Variants in ADAMTS19 observed in about 807,000 individuals in gnomAD.
The protein encoded by ADAMTS19 is ADAM metallopeptidase with thrombospondin type 1 motif 19, also known as A disintegrin and metalloproteinase with thrombospondin motifs 19.
In ADAMTS19, 93 loss-of-function variants were observed where a neutral mutation model predicts 153.3. The ratio of observed to expected loss-of-function variants is 0.61; its 90% confidence interval spans 0.51 to 0.72. The LOEUF (loss-of-function observed/expected upper bound fraction) is 0.72, where lower values mean the gene tolerates loss of function less well. ADAMTS19 is among the 30% of genes least tolerant of loss of function. The pLI is 0.00. For missense variants in ADAMTS19, 1,482 were observed against 1,552.1 expected (o/e 0.95, Z 0.76); for synonymous variants, 600 against 556.6 (o/e 1.08, Z -1.10).
chr5:129,677,794 G>A (rs1267500445), intron 16 of ADAMTS19, among the ~76,000 whole-genome samples: 14 of 151,808 alleles, frequency 9.2e-5, no homozygotes, highest in East Asian at 3.9e-4. Flanking sequence ...AATATTTTTC[G>A]AAATACTTTA....
In ADAMTS19 at chr5:129,596,646, C is replaced by G. The variant is rs1483089782; in HGVS notation, c.1460C>G (p.Ala487Gly). 6.2e-7 allele frequency: 1 copy of G among 1,604,804 alleles called. No homozygotes were observed. Among genetic ancestry groups the G allele is most frequent in the Non-Finnish European group, 8.5e-7 (1 of 1,175,698 alleles). ...GGCTTGAATCTTGCTTTTACAATTG[C>G]TCATGAAATGGGTCACAAGTAAGTA... ...DNGLNLAFTI[A>G]HEMGHNMGIN... The change falls in exon 8 of 23, where the codon GCT (alanine) becomes GGT (glycine). Residue 487 changes from alanine to glycine, a missense_variant. Transcript: ENST00000274487.
At chr5:129,609,221 G>C (rs1320879606) in intron 8 of ADAMTS19, among the ~76,000 whole-genome samples, 1 of 152,030 alleles carries the variant, frequency 6.6e-6, no homozygotes, top group Non-Finnish European at 1.5e-5. Flanking sequence ...TACAGCCTTG[G>C]GCTTGAATTA....
In ADAMTS19 at chr5:129,515,979, A is replaced by G. The variant is rs183593630; in HGVS notation, c.913+6737A>G. On this transcript the variant is annotated intron_variant, in intron 3 of 22. Transcript: ENST00000274487. ...TGTTCCTTCTATCCCCAGTTTTTTGACAGTTTTTATACTGAAGAGATGTTG... is the reference window on the plus strand; with the variant it reads ...TGTTCCTTCTATCCCCAGTTTTTTGGCAGTTTTTATACTGAAGAGATGTTG... Among the ~76,000 whole-genome samples, 84 of 151,854 alleles carry G rather than the reference A, an allele frequency of 5.5e-4. 1 individual carries two copies. The highest frequency in any genetic ancestry group is 5.8e-4 in the East Asian group (3 of 5,160).
chr5:129,657,215 A>T (rs1028009965), intron 14 of ADAMTS19, among the ~76,000 whole-genome samples: 1 of 152,164 alleles, frequency 6.6e-6, no homozygotes, highest in Admixed American at 6.6e-5. Flanking sequence ...GGAATGCTGT[A>T]TTGTGCAGTT....
intron 14 of ADAMTS19, among the ~76,000 whole-genome samples, chr5:129,658,157 ATGCCTATAG>A (rs1371323865): frequency 6.6e-6 from 1 of 151,902 alleles, no homozygotes; most frequent in Non-Finnish European, 1.5e-5. Context: ...ATGGTGACGC[ATGCCTATAG>A]TCCCAGCTAC....
At position 129,495,984 on chromosome 5, in the gene ADAMTS19, GA is replaced by G. The variant is rs573698937; in HGVS notation, c.748-13086del. Among the ~76,000 whole-genome samples, 17 of 151,928 alleles carry G rather than the reference GA, an allele frequency of 1.1e-4. No homozygotes were observed. In the East Asian group the frequency reaches 2.3e-3, roughly 21 times the overall value. ...AGGGAGAGTATGGAAAGGCTGGGAA[GA>G]AAAAAAGGTCAAATGTGTTCTTTAA... On this transcript the variant is annotated intron_variant, in intron 2 of 22. Coordinates refer to ENST00000274487, the MANE Select transcript of ADAMTS19 (RefSeq NM_133638.6).
At chr5:129,734,519 A>C (rs1757582646) in intron 21 of ADAMTS19, among the ~76,000 whole-genome samples, 1 of 152,012 alleles carries the variant, frequency 6.6e-6, no homozygotes, top group African/African-American at 2.4e-5. Flanking sequence ...CCAGCTCTAA[A>C]AGTAGACATG....
rs1252385953 is a variant in ADAMTS19, at chr5:129,662,887, CATTT to C, written c.2426-2611_2426-2608del. 1.9e-3 allele frequency among the ~76,000 whole-genome samples: 242 copies of C among 125,408 alleles called. 1 individual carries two copies. The highest frequency in any genetic ancestry group is 7.8e-3 in the African/African-American group (215 of 27,716). 82.3% of individuals were successfully genotyped at this position (125,408 alleles called of 152,430 possible). On this transcript the variant is annotated intron_variant, in intron 15 of 22. Transcript: ENST00000274487. ...TCTCCTCCTTCTCATGATTCTTCTTCATTTTTTTTTTTTTTTTTTTTTTTTGAGA... is the reference window on the plus strand; with the variant it reads ...TCTCCTCCTTCTCATGATTCTTCTTCTTTTTTTTTTTTTTTTTTTTTGAGA...
chr5:129,471,091 C>T (rs1034955180), intron 2 of ADAMTS19, among the ~76,000 whole-genome samples: 5 of 712 alleles, frequency 7.0e-3, no homozygotes, highest in African/African-American at 0.031. Context: ...TGTATGGGGG[C>T]GGGGGTGGTG....
At chr5:129,610,780 TTTATAA>T (rs1406568482) in intron 8 of ADAMTS19, among the ~76,000 whole-genome samples, 2 of 152,178 alleles carry the variant, frequency 1.3e-5, no homozygotes, top group Non-Finnish European at 2.9e-5. Context: ...AGCAGCATGA[TTTATAA>T]TCCTTTGGGT....
intron 14 of ADAMTS19, among the ~76,000 whole-genome samples, chr5:129,658,351 A>AGAGAGAGAGAGAGAG (rs1554103337): frequency 1.4e-4 from 19 of 133,138 alleles, no homozygotes; most frequent in South Asian, 2.4e-4. Context: ...GAAAGAAAGA[A>AGAGAGAGAGAGAGAG]AGAAAGAAAG....
intron 6 of ADAMTS19, among the ~76,000 whole-genome samples, chr5:129,534,728 A>G (rs1407900754): frequency 6.6e-6 from 1 of 152,202 alleles, no homozygotes; most frequent in African/African-American, 2.4e-5. Context: ...ATCCACCATG[A>G]TCAAGTGGGC....
chr5:129,506,967 A>C (rs1367098417), intron 2 of ADAMTS19, among the ~76,000 whole-genome samples: 2 of 152,022 alleles, frequency 1.3e-5, no homozygotes, highest in Non-Finnish European at 2.9e-5. Flanking sequence ...AAGGTGCTGT[A>C]ACTTTCCCAT....
chr5:129,599,440 C>G (rs1374850083), intron 8 of ADAMTS19, among the ~76,000 whole-genome samples: 2 of 152,066 alleles, frequency 1.3e-5, no homozygotes, highest in Non-Finnish European at 2.9e-5. Flanking sequence ...GATGTACAAA[C>G]AGTGTATATT....
intron 3 of ADAMTS19, among the ~76,000 whole-genome samples, chr5:129,521,325 C>G (rs1751790510): frequency 6.6e-6 from 1 of 151,756 alleles, no homozygotes; most frequent in Non-Finnish European, 1.5e-5. Flanking sequence ...TGTGCATGTT[C>G]CCATTTAGAG....
chr5:129,563,438 A>G (rs1753593315), intron 7 of ADAMTS19, among the ~76,000 whole-genome samples: 1 of 152,126 alleles, frequency 6.6e-6, no homozygotes, highest in African/African-American at 2.4e-5. Flanking sequence ...TTCTAATTGA[A>G]TTGGTAGTGT....
intron 3 of ADAMTS19, among the ~76,000 whole-genome samples, chr5:129,511,719 G>A (rs1274732185): frequency 6.8e-6 from 1 of 147,802 alleles, no homozygotes; most frequent in Admixed American, 6.7e-5. Flanking sequence ...AGTCCAGGTT[G>A]AGATAATGGA....
chr5:129,714,346 G>A (rs1756618163), intron 21 of ADAMTS19, among the ~76,000 whole-genome samples: 2 of 145,924 alleles, frequency 1.4e-5, no homozygotes, highest in Non-Finnish European at 3.0e-5. Flanking sequence ...GTGAACCCGG[G>A]AAGCGGAGCT....
chr5:129,620,878 G>T (rs776240139), intron 9 of ADAMTS19, 120 bp downstream of exon 9: 134 of 1,048,454 alleles, frequency 1.3e-4, no homozygotes, highest in Non-Finnish European at 1.6e-4. Flanking sequence ...GAAGGTACTT[G>T]GTTCCAATCC....
Sources: gnomAD v4.1 joint callset for allele counts (sites outside exome capture counted in the v4.1 genomes callset) on GRCh38, gnomAD v4.1.1 for gene constraint, MANE v1.5 for transcripts, NCBI Gene and HGNC (gene_info 2026-07-23, HGNC 2026-07-21) for gene names.